SLC11A1: variants seen among roughly 807,000 people sequenced by gnomAD.
SLC11A1 encodes the protein solute carrier family 11 member 1.
A neutral mutation model predicts 63.2 loss-of-function variants in SLC11A1; 59 were observed. That is an observed-to-expected ratio of 0.93 (90% CI 0.76 to 1.16). SLC11A1 has a LOEUF of 1.16. Among genes scored for constraint, SLC11A1 ranks in the 50% most tolerant of loss-of-function variants. The pLI is 0.00. For synonymous variants in SLC11A1, 305 were observed against 307.8 expected, an observed-to-expected ratio of 0.99 and a Z score of 0.09; for missense variants, 688 against 730.7, an observed-to-expected ratio of 0.94 and a Z score of 0.67.
chr2:218,387,551 G>C lies in SLC11A1; in HGVS notation c.572-14G>C, dbSNP rs777036428. On this transcript the variant is annotated splice_polypyrimidine_tract_variant and intron_variant, in intron 6 of 14. Transcript: ENST00000233202. The stretch of plus-strand genomic sequence containing the variant: ...TTTCGTTGGTTTGTTTAGTTTGTTT[G>C]TTCTGCTCCGTAGGGCTGCGGAAGC... 3.5e-5 allele frequency: 56 copies of C among 1,613,754 alleles called. No homozygotes were observed. Among genetic ancestry groups the C allele is most frequent in the Non-Finnish European group, 4.6e-5 (54 of 1,179,888 alleles).
chr2:218,391,460 A>G lies in SLC11A1; in HGVS notation c.1129A>G (p.Met377Val), dbSNP rs1696442518. ...GLLAAGQSST[M>V]TGTYAGQFVM... ...CCTGGCGGCTGGGCAGAGCTCCACC[A>G]TGACGGGCACCTACGCGGGACAGTT... Residue 377 changes from methionine to valine, a missense_variant, in exon 11 of 15, where the codon ATG becomes GTG. By Grantham distance (21) the Met-to-Val change is conservative (BLOSUM62 1). Transcript: ENST00000233202. The G allele has an allele frequency of 6.2e-7, 1 of 1,611,688 alleles. No homozygotes were observed. The highest frequency in any genetic ancestry group is 1.3e-5 in the African/African-American group (1 of 75,016).
intron 12 of SLC11A1, among the ~76,000 whole-genome samples, chr2:218,393,474 ATT>A (rs34589602): frequency 0.54 from 70,531 of 130,510 alleles, 20,512 homozygotes; most frequent in South Asian, 0.73. Flanking sequence ...CACCCAGCTA[ATT>A]TTTTTTTTTT....
At position 218,386,664 on chromosome 2, in the gene SLC11A1, CG is replaced by C. The variant is rs765577284; in HGVS notation, c.424del (p.Glu142SerfsTer2). On this transcript the variant is annotated frameshift_variant, in exon 5 of 15. Coordinates refer to ENST00000233202, the MANE Select transcript of SLC11A1 (RefSeq NM_000578.4). LOFTEE classifies it high-confidence loss of function. The part of the protein sequence containing the change: ...VPRTVLWLTI[E>X]LAIVGSDMQE... ...CCCGCACCGTCCTCTGGCTGACCAT[CG>C]AGCTAGCCATTGTGGGCTCCGACAT... The C allele has an allele frequency of 1.9e-6, 3 of 1,613,888 alleles. No homozygotes were observed. The highest frequency in any genetic ancestry group is 1.6e-4 in the Middle Eastern group (1 of 6,084).
intron 6 of SLC11A1, 143 bp from the exon 7 acceptor site, chr2:218,387,422 G>T: frequency 1.0e-6 from 1 of 977,352 alleles, no homozygotes; most frequent in Non-Finnish European, 1.6e-6. Context: ...ACTTCAGAGG[G>T]TGGTTGTGAA....
chr2:218,394,160 T>C lies in SLC11A1; in HGVS notation c.1355T>C (p.Met452Thr). Reference sequence around the variant, plus strand: ...CTGCCCATCCTCACGTTCACCAGCATGCCCACCCTCATGCAGGAGTTTGCC... The same window carrying C: ...CTGCCCATCCTCACGTTCACCAGCACGCCCACCCTCATGCAGGAGTTTGCC... ...AVLPILTFTSMPTLMQEFANG... is the reference protein window; with the variant it reads ...AVLPILTFTSTPTLMQEFANG... Residue 452 changes from methionine (M) to threonine (T), a missense_variant, in exon 13 of 15, where the codon ATG (methionine) becomes ACG (threonine). By Grantham distance (81) the Met-to-Thr change is moderately conservative. Coordinates refer to ENST00000233202, the MANE Select transcript of SLC11A1 (RefSeq NM_000578.4). The C allele has an allele frequency of 6.2e-6, 10 of 1,614,192 alleles. No homozygotes were observed. Among genetic ancestry groups the C allele is most frequent in the Non-Finnish European group, 8.5e-6 (10 of 1,180,024 alleles).
intron 5 of SLC11A1, 192 bp from the exon 6 acceptor site, chr2:218,386,968 C>T (rs535474612): frequency 4.6e-6 from 3 of 649,840 alleles, no homozygotes; most frequent in Non-Finnish European, 8.3e-6. Context: ...GCGCCGGGTG[C>T]CAGGTCTCTC....
chr2:218,394,775 G>A lies in SLC11A1; in HGVS notation c.1532G>A (p.Ser511Asn), dbSNP rs373508010. Residue 511 changes from serine (S) to asparagine (N), a missense_variant, in exon 14 of 15, where the codon AGC becomes AAC. Coordinates refer to ENST00000233202, the MANE Select transcript of SLC11A1 (RefSeq NM_000578.4). ...CTGGCCGCAGCCTACCTGGGCCTCA[G>A]CACCTACCTGGTACAGTAGGGCCAG... ...ALLAAAYLGL[S>N]TYLVWTCCLA... 72 of 1,612,420 alleles carry A rather than the reference G, an allele frequency of 4.5e-5. No individual in the cohort carries two copies. The highest frequency in any genetic ancestry group is 1.6e-4 in the Middle Eastern group (1 of 6,084).
intron 9 of SLC11A1, among the ~76,000 whole-genome samples, chr2:218,390,910 G>A (rs1048879936): frequency 1.4e-4 from 22 of 152,008 alleles, no homozygotes; most frequent in Non-Finnish European, 7.4e-5. Flanking sequence ...GGCCGGGTGC[G>A]GTGGCTCACG....
intron 11 of SLC11A1, 81 bp downstream of exon 11, chr2:218,391,576 G>T (rs1385694652): frequency 7.2e-7 from 1 of 1,392,498 alleles, no homozygotes; most frequent in East Asian, 2.5e-5. Context: ...TCCGAGCCTT[G>T]TGGGTCCTCT....
rs1695880703 is a variant in SLC11A1, at chr2:218,382,952, C to T, written c.8-8C>T. The T allele has an allele frequency of 6.2e-6, 10 of 1,614,042 alleles. No individual in the cohort carries two copies. The highest frequency in any genetic ancestry group is 1.7e-4 in the Middle Eastern group (1 of 6,056). ...AGGACACTCACCATGCTTCATGGGC[C>T]CCCACAGGTGACAAGGGTCCCCAAA... On this transcript the variant is annotated splice_polypyrimidine_tract_variant and splice_region_variant and intron_variant, in intron 1 of 14. Transcript: ENST00000233202.
At position 218,394,110 on chromosome 2, in the gene SLC11A1, CTCTCCCCAGCTCCCG is replaced by C; in HGVS notation, c.1315-8_1321del. 1.2e-6 allele frequency: 2 copies of C among 1,613,968 alleles called. No homozygotes were observed. Among genetic ancestry groups the C allele is most frequent in the South Asian group, 2.2e-5 (2 of 91,070 alleles). ...AATTCCTCAGCCTAGGCTCCTGCTGCTCTCCCCAGCTCCCGTTCGCCGTGCTGCCCATCCTCACGT... is the reference window on the plus strand; with the variant it reads ...AATTCCTCAGCCTAGGCTCCTGCTGCTTCGCCGTGCTGCCCATCCTCACGT... On this transcript the variant is annotated splice_acceptor_variant and splice_polypyrimidine_tract_variant and coding_sequence_variant and intron_variant, in exon 13 of 15. Transcript: ENST00000233202. LOFTEE classifies it high-confidence loss of function.
At chr2:218,391,603 TCTTCC>T in intron 11 of SLC11A1, 108 bp downstream of exon 11, 1 of 1,293,918 alleles carries the variant, frequency 7.7e-7, no homozygotes, top group Non-Finnish European at 1.0e-6. Context: ...TTCTTTCTTT[TCTTCC>T]TTTTTTTTTG....
chr2:218,389,040 G>T (rs558841162), intron 8 of SLC11A1, among the ~76,000 whole-genome samples: 11 of 151,900 alleles, frequency 7.2e-5, no homozygotes, highest in Non-Finnish European at 1.2e-4. Context: ...AGCCCTGGAG[G>T]TCGAGGCTGC....
Position 218,383,062 on chromosome 2 carries a change from C to G in SLC11A1, c.110C>G (p.Thr37Ser). 1 of 1,614,016 alleles carries G rather than the reference C, an allele frequency of 6.2e-7. No homozygotes were observed. The highest frequency in any genetic ancestry group is 8.5e-7 in the Non-Finnish European group (1 of 1,179,952). ...CCACAGCAAGCACCTCCCAGAGAGACCTACCTGAGTGAGAAGATCCCCATC... is the reference window on the plus strand; with the variant it reads ...CCACAGCAAGCACCTCCCAGAGAGAGCTACCTGAGTGAGAAGATCCCCATC... ...PGPQQAPPRE[T>S]YLSEKIPIPD... Residue 37 changes from threonine to serine, a missense_variant, in exon 2 of 15, where the codon ACC (threonine) becomes AGC (serine). By Grantham distance (58) the Thr-to-Ser change is moderately conservative. Transcript: ENST00000233202.
chr2:218,387,625 G>C lies in SLC11A1; in HGVS notation c.632G>C (p.Gly211Ala). 6.2e-7 allele frequency: 1 copy of C among 1,614,158 alleles called. No homozygotes were observed. Among genetic ancestry groups the C allele is most frequent in the Non-Finnish European group, 8.5e-7 (1 of 1,180,018 alleles). The change falls in exon 7 of 15, where the codon GGC becomes GCC. Residue 211 changes from glycine (G) to alanine (A), a missense_variant. Gly to Ala is a moderately conservative substitution (Grantham distance 60). Coordinates refer to ENST00000233202, the MANE Select transcript of SLC11A1 (RefSeq NM_000578.4). ...ATAACCATTATGGCCTTGACCTTTG[G>C]CTATGAGGTAGGAAGCCAGTGCTGC... ...LLITIMALTF[G>A]YEYVVARPEQ...
chr2:218,394,196 G>A lies in SLC11A1; in HGVS notation c.1388+3G>A, dbSNP rs746380132. 2 of 1,613,996 alleles carry A rather than the reference G, an allele frequency of 1.2e-6. No homozygotes were observed. Among genetic ancestry groups the A allele is most frequent in the East Asian group, 2.2e-5 (1 of 44,870 alleles). ...ATGCAGGAGTTTGCCAATGGCCTGT[G>A]AGTACCCCCTTTCCCAAGTGCTGGA... On this transcript the variant is annotated splice_donor_region_variant and intron_variant, in intron 13 of 14. Transcript: ENST00000233202.
chr2:218,390,998 A>T (rs925130854), intron 9 of SLC11A1, among the ~76,000 whole-genome samples, 200 bp from the exon 10 acceptor site: 2 of 152,228 alleles, frequency 1.3e-5, no homozygotes, highest in Non-Finnish European at 1.5e-5. Context: ...CCTGGGCAAC[A>T]TGACAAGACC....
chr2:218,383,443 G>A, intron 2 of SLC11A1: 1 of 199,698 alleles, frequency 5.0e-6, no homozygotes, highest in Non-Finnish European at 1.0e-5. Flanking sequence ...CTGCAGGCTG[G>A]CATCTAGCAT....
At position 218,390,919 on chromosome 2, in the gene SLC11A1, C is replaced by T. The variant is rs539124590; in HGVS notation, c.955-279C>T. Among the ~76,000 whole-genome samples the T allele has an allele frequency of 6.6e-5, 10 of 152,166 alleles. No homozygotes were observed. The South Asian group carries it at 1.2e-3, about 19-fold the overall frequency. ...AAACCCGGCCGGGTGCGGTGGCTCA[C>T]GCCTGTAATCCCAGCACTTTGGGAG... On this transcript the variant is annotated intron_variant, in intron 9 of 14. Transcript: ENST00000233202.
Sources: gnomAD v4.1 joint callset for allele counts (sites outside exome capture counted in the v4.1 genomes callset) on GRCh38, gnomAD v4.1.1 for gene constraint, MANE v1.5 for transcripts, NCBI Gene and HGNC (gene_info 2026-07-23, HGNC 2026-07-21) for gene names.